DOK6: variants seen among roughly 807,000 people sequenced by gnomAD.
The protein encoded by DOK6 is downstream of tyrosine kinase 6.
In DOK6, 22 loss-of-function variants were observed where a neutral mutation model predicts 44.0. That is an observed-to-expected ratio of 0.50 (90% CI 0.36 to 0.71). The LOEUF (loss-of-function observed/expected upper bound fraction) is 0.71, where lower values mean the gene tolerates loss of function less well. Among genes scored for constraint, DOK6 ranks in the 30% least tolerant of loss-of-function variants. DOK6 has a pLI of 0.00. For synonymous variants in DOK6, 166 were observed against 145.5 expected, an observed-to-expected ratio of 1.14 and a Z score of -1.01; for missense variants, 340 against 416.4, an observed-to-expected ratio of 0.82 and a Z score of 1.60.
At chr18:69,840,000 A>G (rs1297248390) in intron 7 of DOK6, among the ~76,000 whole-genome samples, 2 of 152,160 alleles carry the variant, frequency 1.3e-5, no homozygotes, top group Non-Finnish European at 2.9e-5. Context: ...CTAAGTGGTT[A>G]AGTGGTTCCG....
At chr18:69,513,590 T>G (rs868314372) in intron 1 of DOK6, among the ~76,000 whole-genome samples, 1 of 152,364 alleles carries the variant, frequency 6.6e-6, no homozygotes, top group African/African-American at 2.4e-5. Context: ...GATTTCACTG[T>G]CTGATAAAAT....
chr18:69,676,060 G>GAAATAAATGCACTT (rs1985914993), intron 3 of DOK6, among the ~76,000 whole-genome samples: 2 of 152,174 alleles, frequency 1.3e-5, no homozygotes, highest in African/African-American at 4.8e-5. Flanking sequence ...CTAATCCCAG[G>GAAATAAATGCACTT]CCTCTGACTC....
At chr18:69,673,488 C>A (rs1985854507) in intron 3 of DOK6, among the ~76,000 whole-genome samples, 1 of 152,132 alleles carries the variant, frequency 6.6e-6, no homozygotes, top group Non-Finnish European at 1.5e-5. Context: ...ATACTTTCCC[C>A]AGAATTCTGT....
intron 7 of DOK6, among the ~76,000 whole-genome samples, chr18:69,835,031 A>G (rs1568140407): frequency 6.6e-6 from 1 of 152,178 alleles, no homozygotes; most frequent in Non-Finnish European, 1.5e-5. Context: ...GTGAGAACTC[A>G]CCCACTATCG....
intron 3 of DOK6, chr18:69,662,489 A>C (rs1985555263): frequency 6.6e-6 from 1 of 152,206 alleles, no homozygotes; most frequent in South Asian, 2.1e-4. Flanking sequence ...CTATATTCTC[A>C]GGAGTTTATT....
chr18:69,413,980 C>T lies in DOK6; in HGVS notation c.66+12670C>T, dbSNP rs142406510. Among the ~76,000 whole-genome samples the T allele has an allele frequency of 1.3e-5, 2 of 151,958 alleles. 1 individual carries two copies. Among genetic ancestry groups the T allele is most frequent in the Non-Finnish European group, 2.9e-5 (2 of 67,928 alleles). On this transcript the variant is annotated intron_variant, in intron 1 of 7. Transcript: ENST00000382713. ...AAGTTGACATATATACAAATAACCA[C>T]ATAAACAGGTGTCTGACATCATTAA... is the stretch of plus-strand genomic sequence containing the variant.
intron 3 of DOK6, among the ~76,000 whole-genome samples, chr18:69,675,678 A>C (rs1985905711): frequency 1.3e-5 from 2 of 152,206 alleles, no homozygotes; most frequent in South Asian, 4.1e-4. Context: ...TAAAAAAAAG[A>C]AAAAAAGAAA....
intron 2 of DOK6, among the ~76,000 whole-genome samples, chr18:69,584,314 T>C (rs528440851): frequency 6.6e-6 from 1 of 151,988 alleles, no homozygotes; most frequent in South Asian, 2.1e-4. Context: ...TGAGATAGAG[T>C]CTCACGCTGT....
At chr18:69,427,829 G>A (rs972224241) in intron 1 of DOK6, among the ~76,000 whole-genome samples, 2 of 150,846 alleles carry the variant, frequency 1.3e-5, no homozygotes, top group Non-Finnish European at 2.9e-5. Context: ...CCAGGCCGGA[G>A]TACAATGGCG....
intron 6 of DOK6, among the ~76,000 whole-genome samples, chr18:69,750,792 A>G (rs1979151753): frequency 6.6e-6 from 1 of 152,262 alleles, no homozygotes; most frequent in African/African-American, 2.4e-5. Flanking sequence ...TCACTGCAGC[A>G]TGTTTCACAA....
chr18:69,805,879 C>T (rs1450473358), intron 7 of DOK6, among the ~76,000 whole-genome samples: 1 of 151,890 alleles, frequency 6.6e-6, no homozygotes, highest in East Asian at 1.9e-4. Flanking sequence ...TCCTTTCAAA[C>T]CCGTTTTTTA....
chr18:69,786,834 G>A (rs1042612733), intron 7 of DOK6, among the ~76,000 whole-genome samples: 6 of 152,172 alleles, frequency 3.9e-5, no homozygotes, highest in Admixed American at 2.0e-4. Context: ...GTTGAACCAC[G>A]TGATTCCTAA....
intron 1 of DOK6, among the ~76,000 whole-genome samples, chr18:69,417,491 A>G (rs1416330519): frequency 1.3e-5 from 2 of 152,068 alleles, no homozygotes; most frequent in African/African-American, 4.8e-5. Flanking sequence ...TTGATACCAT[A>G]TCTTGGTTAT....
intron 5 of DOK6, among the ~76,000 whole-genome samples, chr18:69,704,580 T>G (rs931187266): frequency 2.0e-5 from 3 of 147,676 alleles, no homozygotes; most frequent in African/African-American, 7.5e-5. Context: ...CTGGGTTCAC[T>G]CCATTCTCCT....
chr18:69,545,691 G>A (rs1183296249), intron 1 of DOK6, among the ~76,000 whole-genome samples: 2 of 151,084 alleles, frequency 1.3e-5, no homozygotes, highest in Admixed American at 1.3e-4. Flanking sequence ...ATTCATTTTG[G>A]TCTTTTCCAC....
At chr18:69,829,345 C>T (rs1032501359) in intron 7 of DOK6, among the ~76,000 whole-genome samples, 1 of 151,726 alleles carries the variant, frequency 6.6e-6, no homozygotes, top group African/African-American at 2.4e-5. Context: ...CAAAAACTAA[C>T]ACTATTGTTA....
In DOK6 at chr18:69,531,390, C is replaced by T. The variant is rs185783368; in HGVS notation, c.67-33097C>T. 5.2e-3 allele frequency among the ~76,000 whole-genome samples: 784 copies of T among 150,932 alleles called. 2 individuals are homozygous for T. The highest frequency in any genetic ancestry group is 7.6e-3 in the Admixed American group (115 of 15,076). On this transcript the variant is annotated intron_variant, in intron 1 of 7. Transcript: ENST00000382713. ...AATTTGCTGGACAGAATGCACTTAC[C>T]CAGTCAAAAATCTAGTTGAATAATA...
chr18:69,731,321 AAT>A (rs1978394038), intron 5 of DOK6, among the ~76,000 whole-genome samples: 1 of 152,326 alleles, frequency 6.6e-6, no homozygotes, highest in South Asian at 2.1e-4. Context: ...GATTTTAAAA[AAT>A]ATTACATCTT....
At chr18:69,700,842 G>T (rs1180006040) in intron 5 of DOK6, among the ~76,000 whole-genome samples, 1 of 152,114 alleles carries the variant, frequency 6.6e-6, no homozygotes, top group Non-Finnish European at 1.5e-5. Flanking sequence ...CAATTTAGAG[G>T]GCAGATTGGC....
Sources: gnomAD v4.1 joint callset for allele counts (sites outside exome capture counted in the v4.1 genomes callset) on GRCh38, gnomAD v4.1.1 for gene constraint, MANE v1.5 for transcripts, NCBI Gene and HGNC (gene_info 2026-07-23, HGNC 2026-07-21) for gene names.